SMCO2: variants seen among roughly 807,000 people sequenced by gnomAD.
The protein encoded by SMCO2 is single-pass membrane and coiled-coil domain-containing protein 2.
In SMCO2, 25 loss-of-function variants were observed where a neutral mutation model predicts 29.5. The observed-to-expected ratio is 0.85, with a 90% CI of 0.62 to 1.18. The LOEUF (loss-of-function observed/expected upper bound fraction) is 1.18, where lower values mean the gene tolerates loss of function less well. Ranked by LOEUF, SMCO2 falls within the 50% of genes most tolerant of loss-of-function variation. The pLI, the probability that SMCO2 is intolerant of heterozygous loss-of-function variation, is 0.00. For synonymous variants in SMCO2, 117 were observed against 123.3 expected, an observed-to-expected ratio of 0.95 and a Z score of 0.34; for missense variants, 348 against 344.5, an observed-to-expected ratio of 1.01 and a Z score of -0.08.
intron 5 of SMCO2, among the ~76,000 whole-genome samples, chr12:27,491,429 T>A (rs1021945216): frequency 3.4e-4 from 52 of 152,262 alleles, no homozygotes; most frequent in Admixed American, 2.0e-3. Flanking sequence ...AAGTGCTGTA[T>A]GAAGATGTTT....
the SMCO2 span, among the ~76,000 whole-genome samples, chr12:27,457,529 C>A: frequency 6.6e-6 from 1 of 152,198 alleles, no homozygotes; most frequent in Non-Finnish European, 1.5e-5. Context: ...ATCACCCAAC[C>A]CAGGAATGGG....
At chr12:27,482,204 G>A (rs1949649781) in intron 4 of SMCO2, among the ~76,000 whole-genome samples, 1 of 151,894 alleles carries the variant, frequency 6.6e-6, no homozygotes, top group Non-Finnish European at 1.5e-5. Flanking sequence ...TATATATTGT[G>A]TTTTCATTTT....
At chr12:27,481,443 C>T (rs1251697868) in intron 4 of SMCO2, among the ~76,000 whole-genome samples, 1 of 152,158 alleles carries the variant, frequency 6.6e-6, no homozygotes, top group Non-Finnish European at 1.5e-5. Context: ...ATTTTCTTTT[C>T]TTGTAATGTC....
At chr12:27,456,677 G>A in the SMCO2 span, among the ~76,000 whole-genome samples, 1 of 152,078 alleles carries the variant, frequency 6.6e-6, no homozygotes, top group Non-Finnish European at 1.5e-5. Context: ...AATTTTTCCT[G>A]GTAGAAGAAT....
chr12:27,472,239 G>T (rs1347234524), intron 2 of SMCO2, among the ~76,000 whole-genome samples: 2 of 151,990 alleles, frequency 1.3e-5, no homozygotes, highest in Non-Finnish European at 2.9e-5. Context: ...ATTTTAAAGG[G>T]TCTATTCTGT....
chr12:27,451,908 A>G, the SMCO2 span, among the ~76,000 whole-genome samples: 3 of 152,172 alleles, frequency 2.0e-5, no homozygotes, highest in East Asian at 5.8e-4. Flanking sequence ...GTCTTCCTGA[A>G]GTGAAATCCA....
the SMCO2 span, among the ~76,000 whole-genome samples, chr12:27,452,425 A>G: frequency 6.6e-6 from 1 of 152,194 alleles, no homozygotes; most frequent in Admixed American, 6.5e-5. Context: ...CCACTGATGG[A>G]CACTTAGGTT....
the SMCO2 span, among the ~76,000 whole-genome samples, chr12:27,427,966 G>T: frequency 2.0e-5 from 3 of 152,204 alleles, no homozygotes; most frequent in Non-Finnish European, 2.9e-5. Flanking sequence ...GGTTAAGGAT[G>T]AAATCATATG....
chr12:27,464,534 A>G (rs549549753), upstream of SMCO2, among the ~76,000 whole-genome samples: 10 of 151,464 alleles, frequency 6.6e-5, no homozygotes, highest in East Asian at 1.9e-3. Context: ...CATGGTGAGA[A>G]CCTGTCTCTA....
chr12:27,433,265 G>A, the SMCO2 span, among the ~76,000 whole-genome samples: 6 of 152,082 alleles, frequency 3.9e-5, no homozygotes, highest in African/African-American at 1.4e-4. Flanking sequence ...TAGAGGATTG[G>A]TCGCTAACAA....
the SMCO2 span, among the ~76,000 whole-genome samples, chr12:27,428,310 A>G: frequency 6.6e-6 from 1 of 152,184 alleles, no homozygotes; most frequent in African/African-American, 2.4e-5. Context: ...AGTTAATTCA[A>G]CCTACACCCA....
chr12:27,455,055 A>C, the SMCO2 span, among the ~76,000 whole-genome samples: 1 of 152,214 alleles, frequency 6.6e-6, no homozygotes, highest in African/African-American at 2.4e-5. Flanking sequence ...CATAGAAAGC[A>C]TTTAACAGCC....
intron 5 of SMCO2, among the ~76,000 whole-genome samples, chr12:27,491,309 G>A (rs901584834): frequency 1.3e-5 from 2 of 152,008 alleles, no homozygotes; most frequent in Non-Finnish European, 2.9e-5. Context: ...GCCTTTGGGT[G>A]TTATTTGGCC....
intron 7 of SMCO2, among the ~76,000 whole-genome samples, chr12:27,501,687 T>C (rs1233416114): frequency 6.6e-6 from 1 of 150,492 alleles, no homozygotes; most frequent in Non-Finnish European, 1.5e-5. Flanking sequence ...AACCCCACAC[T>C]ATCCAGGGAT....
At chr12:27,453,484 C>T in the SMCO2 span, among the ~76,000 whole-genome samples, 4 of 152,194 alleles carry the variant, frequency 2.6e-5, no homozygotes, top group Admixed American at 2.0e-4. Flanking sequence ...TATGCTCAGA[C>T]ATGAAAGAAC....
At chr12:27,495,608 C>A in intron 6 of SMCO2, 72 bp from the exon 8 acceptor site, 1 of 1,331,954 alleles carries the variant, frequency 7.5e-7, no homozygotes, top group Non-Finnish European at 9.9e-7. Context: ...GAAAAGCACT[C>A]AGCATTATCT....
At chr12:27,467,657 G>A (rs535342965) in intron 1 of SMCO2, among the ~76,000 whole-genome samples, 34 of 152,202 alleles carry the variant, frequency 2.2e-4, no homozygotes, top group African/African-American at 7.9e-4. Flanking sequence ...GACGCATTGG[G>A]CATTAATTTT....
intron 4 of SMCO2, 29 bp downstream of exon 4, chr12:27,474,942 A>G (rs1373205069): frequency 3.2e-6 from 5 of 1,545,344 alleles, no homozygotes; most frequent in Non-Finnish European, 4.4e-6. Context: ...AAGACAGAGC[A>G]TTTAATAATG....
chr12:27,488,978 G>A (rs1042060774), intron 5 of SMCO2, among the ~76,000 whole-genome samples: 1 of 152,130 alleles, frequency 6.6e-6, no homozygotes, highest in Admixed American at 6.5e-5. Flanking sequence ...ACAATCTCCA[G>A]AGTTTTCCTG....
Sources: gnomAD v4.1 joint callset for allele counts (sites outside exome capture counted in the v4.1 genomes callset) on GRCh38, gnomAD v4.1.1 for gene constraint, MANE v1.5 for transcripts, NCBI Gene and HGNC (gene_info 2026-07-23, HGNC 2026-07-21) for gene names.